C3orf62: variants seen among roughly 807,000 people sequenced by gnomAD.
C3orf62 encodes chromosome 3 open reading frame 62.
Under a neutral mutation model 21.7 loss-of-function variants are expected in C3orf62, and 16 were observed. The observed-to-expected ratio is 0.74, with a 90% CI of 0.50 to 1.12. The LOEUF (loss-of-function observed/expected upper bound fraction) is 1.12. Ranked by LOEUF, C3orf62 falls within the 50% of genes most tolerant of loss-of-function variation. The probability of loss-of-function intolerance (pLI) is 0.00; values close to 1 mark genes in which losing one functional copy is unlikely to be tolerated. For missense variants in C3orf62, 310 were observed against 318.8 expected, an observed-to-expected ratio of 0.97 and a Z score of 0.21; for synonymous variants, 114 against 117.0, an observed-to-expected ratio of 0.97 and a Z score of 0.17.
At position 49,270,724 on chromosome 3, in the gene C3orf62, T is replaced by G. The variant is rs1016290696; in HGVS notation, c.*456A>C. ...TTTTAGTGGAGATGGGGTTTCGCCA[T>G]GTTGGCCAGGCTGGTCTCAAACTCC... On this transcript the variant is annotated 3_prime_UTR_variant, in exon 3 of 3. Transcript: ENST00000343010. 1 of 154,638 alleles carries G rather than the reference T, an allele frequency of 6.5e-6. No homozygotes were observed. 9.6% of individuals were successfully genotyped at this position (154,638 alleles called of 1,614,324 possible).
intron 1 of C3orf62, 132 bp from the exon 2 acceptor site, chr3:49,274,272 G>C (rs1194873308): frequency 1.5e-6 from 1 of 662,856 alleles, no homozygotes; most frequent in Non-Finnish European, 2.6e-6. Context: ...TTTATGCTTT[G>C]ATTAAAGGAC....
intron 2 of C3orf62, among the ~76,000 whole-genome samples, chr3:49,273,760 A>T (rs550096643): frequency 6.6e-6 from 1 of 152,088 alleles, no homozygotes; most frequent in East Asian, 1.9e-4. Flanking sequence ...GGTTCAAGCA[A>T]TTCTCCTGCC....
chr3:49,277,030 C>G lies in C3orf62; in HGVS notation c.-158G>C. On this transcript the variant is annotated 5_prime_UTR_variant, in exon 1 of 3. Transcript: ENST00000343010. ...CGGTTCTCGGCTCTCGCGGAGGAAC[C>G]CGCCATCTGCCAGAAGCCCCAAAGA... 6.8e-7 allele frequency: 1 copy of G among 1,461,740 alleles called. No individual in the cohort carries two copies. The highest frequency in any genetic ancestry group is 9.0e-7 in the Non-Finnish European group (1 of 1,110,340). The allele number at this position is 1,461,740 out of a possible 1,614,324, so 90.5% of individuals were successfully genotyped here.
At position 49,276,784 on chromosome 3, in the gene C3orf62, C is replaced by T; in HGVS notation, c.89G>A (p.Arg30Gln). Residue 30 changes from arginine to glutamine, a missense_variant, in exon 1 of 3, where the codon CGG becomes CAG. By Grantham distance (43) the Arg-to-Gln change is conservative. Coordinates refer to ENST00000343010, the MANE Select transcript of C3orf62 (RefSeq NM_198562.3). The part of the protein sequence containing the change: ...CRKELTAAID[R>Q]AFEGVSYSQE... ...GGAATAACTAACTCCTTCAAAGGCC[C>T]GGTCAATGGCTGCAGTCAGTTCCTT... 1.2e-6 allele frequency: 2 copies of T among 1,614,166 alleles called. No homozygotes were observed. The highest frequency in any genetic ancestry group is 1.7e-6 in the Non-Finnish European group (2 of 1,180,026).
Position 49,276,893 on chromosome 3 carries a change from CAAT to C in C3orf62, c.-24_-22del. ...TGCATTGGAAATGCACAGGACAACA[CAAT>C]AATGTTACAAATGAGGCTGCAAACT... is the stretch of plus-strand genomic sequence containing the variant. On this transcript the variant is annotated 5_prime_UTR_variant, in exon 1 of 3. Transcript: ENST00000343010. 6.3e-7 allele frequency: 1 copy of C among 1,588,898 alleles called. No homozygotes were observed. The highest frequency in any genetic ancestry group is 8.6e-7 in the Non-Finnish European group (1 of 1,167,284).
In C3orf62 at chr3:49,269,934, A is replaced by T. The variant is rs2046903856; in HGVS notation, c.*1246T>A. 6.6e-6 allele frequency: 1 copy of T among 152,276 alleles called. No individual in the cohort carries two copies. The highest frequency in any genetic ancestry group is 2.4e-5 in the African/African-American group (1 of 41,468). 9.4% of individuals were successfully genotyped at this position (152,276 alleles called of 1,614,324 possible). ...TGCCAGAGTCACTGGCCTAAAAGAC[A>T]GTCTGTTAGACAATCACTCAGCTGT... On this transcript the variant is annotated 3_prime_UTR_variant, in exon 3 of 3. Coordinates refer to ENST00000343010, the MANE Select transcript of C3orf62 (RefSeq NM_198562.3).
At position 49,269,986 on chromosome 3, in the gene C3orf62, T is replaced by C. The variant is rs145829132; in HGVS notation, c.*1194A>G. 12 of 152,374 alleles carry C rather than the reference T, an allele frequency of 7.9e-5. No individual in the cohort carries two copies. The East Asian group carries it at 1.9e-3, about 24-fold the overall frequency. The allele number at this position is 152,374 out of a possible 1,614,324, so 9.4% of individuals were successfully genotyped here. ...AGTTAGGCCTTTCTCCCCAACTCTT[T>C]GGTTTGTTCGGGCTTTAGCACTTAT... On this transcript the variant is annotated 3_prime_UTR_variant, in exon 3 of 3. Coordinates refer to ENST00000343010, the MANE Select transcript of C3orf62 (RefSeq NM_198562.3).
rs965198199 is a variant in C3orf62, at chr3:49,275,531, T to G, written c.446+896A>C. On this transcript the variant is annotated intron_variant, in intron 1 of 2. Coordinates refer to ENST00000343010, the MANE Select transcript of C3orf62 (RefSeq NM_198562.3). ...GCAGAACTTTGAAGTTTTTTTTTTT[T>G]TTTTTTTTTTTTTTTTTGATACGGA... is the stretch of plus-strand genomic sequence containing the variant. Among the ~76,000 whole-genome samples, 783 of 118,112 alleles carry G rather than the reference T, an allele frequency of 6.6e-3. 11 individuals carry two copies. The highest frequency in any genetic ancestry group is 0.025 in the African/African-American group (746 of 29,776). 77.5% of individuals were successfully genotyped at this position (118,112 alleles called of 152,430 possible).
Position 49,270,172 on chromosome 3 carries a change from A to G in C3orf62, c.*1008T>C, listed in dbSNP as rs1465545562. Reference sequence around the variant, plus strand: ...ATTGAGTTATCTCAATTGACTACTCACAGTTACAGATCTAACTCCTTGTTC... The same window carrying G: ...ATTGAGTTATCTCAATTGACTACTCGCAGTTACAGATCTAACTCCTTGTTC... On this transcript the variant is annotated 3_prime_UTR_variant, in exon 3 of 3. Transcript: ENST00000343010. 6.6e-6 allele frequency: 1 copy of G among 152,116 alleles called. No homozygotes were observed. The highest frequency in any genetic ancestry group is 2.4e-5 in the African/African-American group (1 of 41,414). The allele number at this position is 152,116 out of a possible 1,614,324, so 9.4% of individuals were successfully genotyped here.
intron 2 of C3orf62, 96 bp from the exon 3 acceptor site, chr3:49,271,541 T>TG: frequency 1.4e-6 from 2 of 1,416,874 alleles, no homozygotes; most frequent in Non-Finnish European, 1.9e-6. Flanking sequence ...TTGTCATTTA[T>TG]CAGGGATTGT....
At position 49,268,615 on chromosome 3, in the gene C3orf62, T is replaced by TA. The variant is rs1413303265; in HGVS notation, c.*2564dup. 1 of 152,240 alleles carries TA rather than the reference T, an allele frequency of 6.6e-6. No homozygotes were observed. The highest frequency in any genetic ancestry group is 1.5e-5 in the Non-Finnish European group (1 of 68,048). 9.4% of individuals were successfully genotyped at this position (152,240 alleles called of 1,614,324 possible). ...CATCAATACATTAAACACTAGTTTT[T>TA]ATTCAAGTTTTATCAGTTTTTCCAA... On this transcript the variant is annotated 3_prime_UTR_variant, in exon 3 of 3. Coordinates refer to ENST00000343010, the MANE Select transcript of C3orf62 (RefSeq NM_198562.3).
At position 49,274,044 on chromosome 3, in the gene C3orf62, C is replaced by G. The variant is rs765519501; in HGVS notation, c.538+5G>C. 1.2e-6 allele frequency: 2 copies of G among 1,608,718 alleles called. No individual in the cohort carries two copies. Among genetic ancestry groups the G allele is most frequent in the Non-Finnish European group, 1.7e-6 (2 of 1,175,086 alleles). ...GGACAGGATGGACTTGCCCACTGTA[C>G]TCACCAATCATATCAAGCAGATCCT... On this transcript the variant is annotated splice_donor_5th_base_variant and intron_variant, in intron 2 of 2. Transcript: ENST00000343010.
chr3:49,276,323 G>A, intron 1 of C3orf62, 104 bp downstream of exon 1: 1 of 1,095,578 alleles, frequency 9.1e-7, no homozygotes, highest in East Asian at 2.4e-5. Flanking sequence ...CTGCCAAGAG[G>A]AGGCAAGAGC....
At position 49,276,889 on chromosome 3, in the gene C3orf62, A is replaced by G; in HGVS notation, c.-17T>C. On this transcript the variant is annotated 5_prime_UTR_variant, in exon 1 of 3. Coordinates refer to ENST00000343010, the MANE Select transcript of C3orf62 (RefSeq NM_198562.3). The stretch of plus-strand genomic sequence containing the variant: ...GTAATGCATTGGAAATGCACAGGAC[A>G]ACACAATAATGTTACAAATGAGGCT... The G allele has an allele frequency of 6.3e-7, 1 of 1,595,134 alleles. No homozygotes were observed. The highest frequency in any genetic ancestry group is 8.5e-7 in the Non-Finnish European group (1 of 1,170,910).
At position 49,276,478 on chromosome 3, in the gene C3orf62, T is replaced by A. The variant is rs1559460456; in HGVS notation, c.395A>T (p.Glu132Val). Residue 132 changes from glutamate to valine, a missense_variant, in exon 1 of 3, where the codon GAG (glutamate) becomes GTG (valine). By Grantham distance (121) the Glu-to-Val change is moderately radical. Transcript: ENST00000343010. The stretch of plus-strand genomic sequence containing the variant: ...CCCCTCTCCTGCAGTTCTCCAAGAC[T>A]CTCTTTCAGGTGCCAAAATGGAGGA... ...MHSSILAPER[E>V]SWRTAGEGEN... 2 of 1,614,106 alleles carry A rather than the reference T, an allele frequency of 1.2e-6. No individual in the cohort carries two copies. Among genetic ancestry groups the A allele is most frequent in the East Asian group, 2.2e-5 (1 of 44,872 alleles).
chr3:49,275,529 T>TTTTTG, intron 1 of C3orf62, among the ~76,000 whole-genome samples: 2 of 114,112 alleles, frequency 1.8e-5, no homozygotes, highest in African/African-American at 6.9e-5. Context: ...GTTTTTTTTT[T>TTTTTG]TTTTTTTTTT....
At chr3:49,275,694 C>G in intron 1 of C3orf62, among the ~76,000 whole-genome samples, 1 of 151,580 alleles carries the variant, frequency 6.6e-6, no homozygotes. Context: ...CCACGCCCGG[C>G]TAATTTTTTG....
rs748885350 is a variant in C3orf62, at chr3:49,271,425, T to G, written c.559A>C (p.Ile187Leu). The G allele has an allele frequency of 1.2e-6, 2 of 1,614,084 alleles. No individual in the cohort carries two copies. Among genetic ancestry groups the G allele is most frequent in the Admixed American group, 3.3e-5 (2 of 60,016 alleles). Residue 187 changes from isoleucine (I) to leucine (L), a missense_variant, in exon 3 of 3, where the codon ATT becomes CTT. Physicochemically the swap from Ile to Leu is conservative, Grantham distance 5. Transcript: ENST00000343010. ...TCTATTTTTCCAGCCAATTCTTCAATAGTTCGGATGCTTGTATGGTCTTAA... is the reference window on the plus strand; with the variant it reads ...TCTATTTTTCCAGCCAATTCTTCAAGAGTTCGGATGCTTGTATGGTCTTAA... ...DMIDHTSIRT[I>L]EELAGKIEFE...
intron 2 of C3orf62, among the ~76,000 whole-genome samples, chr3:49,271,910 CAAAA>C (rs10706165): frequency 1.9e-5 from 2 of 106,944 alleles, no homozygotes; most frequent in African/African-American, 7.3e-5. Context: ...GGCCCTGTCT[CAAAA>C]AAAAAAAAAA....
Sources: allele counts gnomAD v4.1 joint callset (sites outside exome capture counted in the v4.1 genomes callset), GRCh38; gene constraint gnomAD v4.1.1; transcripts MANE v1.5; gene names NCBI Gene and HGNC (gene_info 2026-07-23, HGNC 2026-07-21).